ABCA13: variants seen among roughly 807,000 people sequenced by gnomAD.
The protein encoded by ABCA13 is ATP binding cassette subfamily A member 13.
A neutral mutation model predicts 478.7 loss-of-function variants in ABCA13; 476 were observed. That is an observed-to-expected ratio of 0.99 (90% CI 0.92 to 1.07). ABCA13 has a LOEUF of 1.07. ABCA13 is among the 50% of genes least tolerant of loss of function. The pLI is 0.00. For synonymous variants in ABCA13, 2,252 were observed against 2,158.9 expected (o/e 1.04, Z -1.20); for missense variants, 6,060 against 5,910.6 (o/e 1.03, Z -0.83).
At chr7:48,332,001 A>G (rs1446514386) in intron 27 of ABCA13, among the ~76,000 whole-genome samples, 1 of 152,226 alleles carries the variant, frequency 6.6e-6, no homozygotes, top group African/African-American at 2.4e-5. Flanking sequence ...TACAGCATGT[A>G]ACCATTTGGG....
At chr7:48,309,797 C>G (rs1563019934) in intron 23 of ABCA13, 150 bp from the exon 24 acceptor site, 2 of 723,838 alleles carry the variant, frequency 2.8e-6, no homozygotes, top group Non-Finnish European at 2.2e-6. Flanking sequence ...GAATCGAACC[C>G]CAGTTTGGGC....
In ABCA13 at chr7:48,275,821, C is replaced by A; in HGVS notation, c.6155C>A (p.Pro2052His). ...LSSFIEKSET[P>H]YNFEELWPKF... Reference sequence around the variant, plus strand: ...AGTTTTATTGAAAAAAGTGAAACACCTTACAACTTTGAAGAACTATGGCCC... The same window carrying A: ...AGTTTTATTGAAAAAAGTGAAACACATTACAACTTTGAAGAACTATGGCCC... Residue 2052 changes from proline to histidine, a missense_variant, in exon 17 of 62, where the codon CCT becomes CAT. By Grantham distance (77) the Pro-to-His change is moderately conservative (BLOSUM62 -2). Coordinates refer to ENST00000435803, the MANE Select transcript of ABCA13 (RefSeq NM_152701.5). 1.2e-6 allele frequency: 2 copies of A among 1,612,800 alleles called. No homozygotes were observed. The highest frequency in any genetic ancestry group is 1.7e-6 in the Non-Finnish European group (2 of 1,179,484).
intron 42 of ABCA13, among the ~76,000 whole-genome samples, chr7:48,440,457 A>G (rs1823427684): frequency 1.3e-5 from 2 of 152,186 alleles, no homozygotes; most frequent in African/African-American, 4.8e-5. Context: ...TATTCCCTGC[A>G]TATATCATAA....
chr7:48,639,545 T>G (rs1190866226), intron 59 of ABCA13, among the ~76,000 whole-genome samples: 2 of 152,232 alleles, frequency 1.3e-5, no homozygotes, highest in East Asian at 3.9e-4. Flanking sequence ...CTCCGCTCTC[T>G]GCTCTTGCCC....
At chr7:48,607,847 T>A (rs1454744907) in intron 58 of ABCA13, among the ~76,000 whole-genome samples, 2 of 152,204 alleles carry the variant, frequency 1.3e-5, no homozygotes, top group Non-Finnish European at 2.9e-5. Flanking sequence ...AACTCTCCTT[T>A]AGTGAGTAGC....
At chr7:48,379,389 T>C in intron 35 of ABCA13, among the ~76,000 whole-genome samples, 1 of 152,174 alleles carries the variant, frequency 6.6e-6, no homozygotes, top group East Asian at 1.9e-4. Context: ...ATATTTTATA[T>C]TACCTCCTTT....
At chr7:48,490,352 G>T (rs952713396) in intron 48 of ABCA13, among the ~76,000 whole-genome samples, 2 of 152,158 alleles carry the variant, frequency 1.3e-5, no homozygotes, top group African/African-American at 2.4e-5. Context: ...TGTCAATTTT[G>T]TAAGATAGAC....
intron 56 of ABCA13, among the ~76,000 whole-genome samples, chr7:48,582,514 A>T (rs1219305547): frequency 6.6e-6 from 1 of 152,004 alleles, no homozygotes; most frequent in Admixed American, 6.6e-5. Flanking sequence ...TGCTCACCTT[A>T]GTTGTTTTCT....
chr7:48,194,934 C>T (rs1164559476), intron 2 of ABCA13, among the ~76,000 whole-genome samples: 1 of 152,160 alleles, frequency 6.6e-6, no homozygotes, highest in African/African-American at 2.4e-5. Context: ...AAGGCATTTT[C>T]CCTGCCTTTG....
chr7:48,425,069 C>T (rs958114588), intron 41 of ABCA13, among the ~76,000 whole-genome samples: 1 of 152,120 alleles, frequency 6.6e-6, no homozygotes, highest in South Asian at 2.1e-4. Flanking sequence ...ATACTTAGTG[C>T]CGTACCATAA....
At chr7:48,184,566 T>C (rs923881582) in intron 1 of ABCA13, among the ~76,000 whole-genome samples, 4 of 152,162 alleles carry the variant, frequency 2.6e-5, no homozygotes, top group Non-Finnish European at 4.4e-5. Flanking sequence ...CCACCTGTAA[T>C]CCCAGCACTT....
intron 27 of ABCA13, 125 bp downstream of exon 27, chr7:48,317,421 A>G: frequency 9.1e-7 from 1 of 1,097,976 alleles, no homozygotes; most frequent in Non-Finnish European, 1.2e-6. Context: ...TTTTGAATCT[A>G]CTTCATTTTA....
At chr7:48,513,252 T>TA (rs1289244859) in intron 51 of ABCA13, among the ~76,000 whole-genome samples, 1 of 152,180 alleles carries the variant, frequency 6.6e-6, no homozygotes, top group Non-Finnish European at 1.5e-5. Context: ...GTCCAGGCAT[T>TA]AAATGGCTGC....
At chr7:48,385,293 C>G (rs1311469486) in intron 35 of ABCA13, among the ~76,000 whole-genome samples, 1 of 152,186 alleles carries the variant, frequency 6.6e-6, no homozygotes, top group Non-Finnish European at 1.5e-5. Context: ...TCCCTTCTCT[C>G]ACCCTTCACC....
chr7:48,545,891 A>G (rs1034185450), intron 55 of ABCA13, among the ~76,000 whole-genome samples: 4 of 151,934 alleles, frequency 2.6e-5, no homozygotes, highest in African/African-American at 9.7e-5. Flanking sequence ...GAGGTCTAAC[A>G]TAAGTCTAAT....
chr7:48,322,014 G>T (rs1391566997), intron 27 of ABCA13, among the ~76,000 whole-genome samples: 1 of 152,248 alleles, frequency 6.6e-6, no homozygotes, highest in Non-Finnish European at 1.5e-5. Flanking sequence ...GGGAGCCACT[G>T]TCAGCAGGCA....
intron 42 of ABCA13, among the ~76,000 whole-genome samples, chr7:48,438,119 C>T (rs1183334743): frequency 1.3e-5 from 2 of 152,034 alleles, no homozygotes; most frequent in African/African-American, 2.4e-5. Flanking sequence ...TCAGGTAAAA[C>T]AGACACTAGT....
At chr7:48,337,186 T>C (rs11978596) in intron 28 of ABCA13, among the ~76,000 whole-genome samples, 6,692 of 152,182 alleles carry the variant, frequency 0.044, 492 homozygotes, top group African/African-American at 0.15. Flanking sequence ...TAGTAGTCGA[T>C]GTGTATGTTG....
intron 55 of ABCA13, among the ~76,000 whole-genome samples, chr7:48,533,294 T>G (rs1171428871): frequency 6.6e-6 from 1 of 152,100 alleles, no homozygotes. Flanking sequence ...TTTCTATGTA[T>G]TTGCATGGTT....
Sources: gnomAD v4.1 joint callset for allele counts (sites outside exome capture counted in the v4.1 genomes callset) on GRCh38, gnomAD v4.1.1 for gene constraint, MANE v1.5 for transcripts, NCBI Gene and HGNC (gene_info 2026-07-23, HGNC 2026-07-21) for gene names.